MSH3: variants seen among roughly 807,000 people sequenced by gnomAD.
The protein encoded by MSH3 is mutS homolog 3.
A neutral mutation model predicts 123.3 loss-of-function variants in MSH3; 106 were observed. That is an observed-to-expected ratio of 0.86 (90% CI 0.73 to 1.01). The LOEUF (loss-of-function observed/expected upper bound fraction) is 1.01. MSH3 is among the 50% of genes least tolerant of loss of function. MSH3 has a pLI of 0.00. For synonymous variants in MSH3, 515 were observed against 481.4 expected (o/e 1.07, Z -0.91); for missense variants, 1,459 against 1,347.6 (o/e 1.08, Z -1.29).
chr5:80,833,401 T>C lies in MSH3; in HGVS notation c.2813+19660T>C, dbSNP rs539241260. ...TCATTGTCTAGTATAGTATGTCTTA[T>C]AAATGATTGTTGATTTAATAAAAAC... On this transcript the variant is annotated intron_variant, in intron 20 of 23. Transcript: ENST00000265081. Among the ~76,000 whole-genome samples the C allele has an allele frequency of 2.0e-5, 3 of 152,340 alleles. No individual in the cohort carries two copies. In the East Asian group the frequency reaches 5.8e-4, roughly 29 times the overall value.
chr5:80,657,969 C>T lies in MSH3; in HGVS notation c.358+1438C>T, dbSNP rs115800801. Among the ~76,000 whole-genome samples the T allele has an allele frequency of 6.7e-3, 1,007 of 150,170 alleles. 7 individuals carry two copies. The highest frequency in any genetic ancestry group is 0.018 in the South Asian group (85 of 4,786). ...TTTAGGTCTACAAACACTGAATGAGCACCTATGATTTTTATTCTAGAGGCT... is the reference window on the plus strand; with the variant it reads ...TTTAGGTCTACAAACACTGAATGAGTACCTATGATTTTTATTCTAGAGGCT... On this transcript the variant is annotated intron_variant, in intron 2 of 23. Coordinates refer to ENST00000265081, the MANE Select transcript of MSH3 (RefSeq NM_002439.5).
intron 8 of MSH3, among the ~76,000 whole-genome samples, chr5:80,718,736 T>C (rs1751014907): frequency 6.6e-6 from 1 of 152,098 alleles, no homozygotes; most frequent in Non-Finnish European, 1.5e-5. Flanking sequence ...TTTTTGTGAA[T>C]TGAGTAGCCA....
chr5:80,747,055 G>A (rs1743734494), intron 12 of MSH3, among the ~76,000 whole-genome samples: 1 of 152,202 alleles, frequency 6.6e-6, no homozygotes, highest in Admixed American at 6.5e-5. Flanking sequence ...ATCTTCTTTA[G>A]TTCAGCATTC....
intron 12 of MSH3, among the ~76,000 whole-genome samples, chr5:80,751,467 G>T (rs957829286): frequency 6.6e-6 from 1 of 152,164 alleles, no homozygotes; most frequent in Non-Finnish European, 1.5e-5. Flanking sequence ...GCTAGCTGGA[G>T]ACTAAAAGTC....
At chr5:80,692,644 TTATA>T (rs200812837) in intron 8 of MSH3, among the ~76,000 whole-genome samples, 3,260 of 114,374 alleles carry the variant, frequency 0.029, 148 homozygotes, top group African/African-American at 0.089. Context: ...TTATATATGT[TTATA>T]TAGATATATA....
At chr5:80,699,300 T>A (rs1316360502) in intron 8 of MSH3, among the ~76,000 whole-genome samples, 1 of 152,162 alleles carries the variant, frequency 6.6e-6, no homozygotes, top group Non-Finnish European at 1.5e-5. Flanking sequence ...GGCTCATACC[T>A]GTAATCCCAG....
At chr5:80,659,072 A>G (rs1749363758) in intron 2 of MSH3, among the ~76,000 whole-genome samples, 1 of 152,074 alleles carries the variant, frequency 6.6e-6, no homozygotes, top group South Asian at 2.1e-4. Context: ...TGTCTCTGCT[A>G]AAAATACAAA....
intron 19 of MSH3, among the ~76,000 whole-genome samples, chr5:80,811,290 C>T (rs1252834112): frequency 6.6e-6 from 1 of 152,030 alleles, no homozygotes; most frequent in Non-Finnish European, 1.5e-5. Context: ...ATTTGTTTCA[C>T]AAGTGAATGT....
At position 80,778,811 on chromosome 5, in the gene MSH3, A is replaced by G. The variant is rs1165114619; in HGVS notation, c.2410A>G (p.Ser804Gly). 3.1e-6 allele frequency: 5 copies of G among 1,595,770 alleles called. No individual in the cohort carries two copies. Among genetic ancestry groups the G allele is most frequent in the Non-Finnish European group, 4.3e-6 (5 of 1,163,462 alleles). The change falls in exon 17 of 24, where the codon AGT becomes GGT. Residue 804 changes from serine (S) to glycine (G), a missense_variant. By Grantham distance (56) the Ser-to-Gly change is moderately conservative. Transcript: ENST00000265081. ...QLREQLVLDC[S>G]AEWLDFLEKF... ...CCGGGAGCAGCTAGTCCTTGACTGC[A>G]GTGCTGAATGGCTTGATTTTCTAGA...
chr5:80,741,846 TATG>T (rs1288930219), intron 11 of MSH3, among the ~76,000 whole-genome samples: 1 of 152,102 alleles, frequency 6.6e-6, no homozygotes, highest in Non-Finnish European at 1.5e-5. Context: ...TCACTGAAAA[TATG>T]AAGCGGATTT....
intron 8 of MSH3, among the ~76,000 whole-genome samples, chr5:80,719,736 T>A (rs192988826): frequency 8.5e-5 from 13 of 152,376 alleles, no homozygotes; most frequent in African/African-American, 3.1e-4. Context: ...CCTTCTTTCT[T>A]ATAGCCTCCA....
chr5:80,786,498 C>G (rs1161706377), intron 17 of MSH3, among the ~76,000 whole-genome samples: 1 of 152,144 alleles, frequency 6.6e-6, no homozygotes, highest in Non-Finnish European at 1.5e-5. Context: ...TTCTCATTTT[C>G]CAGTCTTTGA....
At position 80,873,175 on chromosome 5, in the gene MSH3, G is replaced by A. The variant is rs745375580; in HGVS notation, c.3190G>A (p.Ala1064Thr). The stretch of plus-strand genomic sequence containing the variant: ...CCTTTACCAAATAACTAGAGGAATT[G>A]CAGCAAGGAGTTATGGATTAAATGT... ...TFLYQITRGIAARSYGLNVAK... is the reference protein window; with the variant it reads ...TFLYQITRGITARSYGLNVAK... Residue 1064 changes from alanine (A) to threonine (T), a missense_variant, in exon 23 of 24, where the codon GCA becomes ACA. Ala to Thr is a moderately conservative substitution (Grantham distance 58, BLOSUM62 0). Coordinates refer to ENST00000265081, the MANE Select transcript of MSH3 (RefSeq NM_002439.5). 3.7e-6 allele frequency: 6 copies of A among 1,613,648 alleles called. No homozygotes were observed. Among genetic ancestry groups the A allele is most frequent in the African/African-American group, 2.7e-5 (2 of 74,918 alleles).
At chr5:80,790,612 A>G (rs1386790408) in intron 18 of MSH3, among the ~76,000 whole-genome samples, 1 of 152,196 alleles carries the variant, frequency 6.6e-6, no homozygotes, top group Non-Finnish European at 1.5e-5. Flanking sequence ...AAGTGAGGGG[A>G]GAAATCACTA....
At chr5:80,741,327 T>G (rs1229090857) in intron 10 of MSH3, 137 bp from the exon 11 acceptor site, 1 of 676,528 alleles carries the variant, frequency 1.5e-6, no homozygotes, top group East Asian at 2.7e-5. Context: ...GAATTTTCAT[T>G]TTGCTCCTTT....
At chr5:80,659,893 C>T (rs1749391443) in intron 2 of MSH3, among the ~76,000 whole-genome samples, 1 of 152,144 alleles carries the variant, frequency 6.6e-6, no homozygotes, top group Non-Finnish European at 1.5e-5. Context: ...GGCAGTATTC[C>T]ATTGTATATA....
intron 8 of MSH3, among the ~76,000 whole-genome samples, chr5:80,686,542 C>T (rs1750097694): frequency 6.6e-6 from 1 of 152,018 alleles, no homozygotes; most frequent in Non-Finnish European, 1.5e-5. Flanking sequence ...GAACTCCTGA[C>T]CTCAAGTGAT....
At chr5:80,813,491 T>C in intron 19 of MSH3, 93 bp from the exon 20 acceptor site, 2 of 1,274,144 alleles carry the variant, frequency 1.6e-6, no homozygotes, top group Non-Finnish European at 2.3e-6. Flanking sequence ...CAAAGTAATG[T>C]TTTGCCTAAT....
chr5:80,686,469 A>AT (rs1165499175), intron 8 of MSH3, among the ~76,000 whole-genome samples: 7 of 151,414 alleles, frequency 4.6e-5, no homozygotes, highest in African/African-American at 9.7e-5. Flanking sequence ...CGCCTGGCTA[A>AT]TTTTTTTTGT....
Sources: allele counts gnomAD v4.1 joint callset (sites outside exome capture counted in the v4.1 genomes callset), GRCh38; gene constraint gnomAD v4.1.1; transcripts MANE v1.5; gene names NCBI Gene and HGNC (gene_info 2026-07-23, HGNC 2026-07-21).